The following THAP10 variants were observed in gnomAD, a reference collection of about 807,000 sequenced individuals.
THAP10 encodes THAP domain-containing protein 10.
THAP10 carries 10 observed loss-of-function variants against 15.7 expected under a neutral mutation model. The ratio of observed to expected loss-of-function variants is 0.64; its 90% CI spans 0.39 to 1.08. THAP10 has a LOEUF of 1.08. Among genes scored for constraint, THAP10 ranks in the 50% least tolerant of loss-of-function variants. The pLI, the probability that THAP10 is intolerant of heterozygous loss-of-function variation, is 0.01. For synonymous variants in THAP10, 127 were observed against 129.1 expected (o/e 0.98, Z 0.11); for missense variants, 310 against 330.9 (o/e 0.94, Z 0.49).
Position 70,882,278 on chromosome 15 carries a change from G to A in THAP10, c.*176C>T. On this transcript the variant is annotated 3_prime_UTR_variant, in exon 3 of 3. Coordinates refer to ENST00000249861, the MANE Select transcript of THAP10 (RefSeq NM_020147.4). ...AGAGAATAGGGATGTTTGTGGGTAG[G>A]TATTATCTTCATTGTGTTGGCAAGC... 1.8e-6 allele frequency: 1 copy of A among 563,094 alleles called. No individual in the cohort carries two copies. Among genetic ancestry groups the A allele is most frequent in the South Asian group, 2.7e-5 (1 of 36,752 alleles). The allele number at this position is 563,094 out of a possible 1,614,324, so 34.9% of individuals were successfully genotyped here.
chr15:70,883,029 G>A, intron 1 of THAP10, 121 bp from the exon 2 acceptor site: 1 of 922,628 alleles, frequency 1.1e-6, no homozygotes, highest in Non-Finnish European at 1.6e-6. Flanking sequence ...TAGTAAGGCT[G>A]ATATTTGAAC....
intron 1 of THAP10, among the ~76,000 whole-genome samples, chr15:70,887,926 A>G (rs1334751062): frequency 6.6e-6 from 1 of 152,212 alleles, no homozygotes; most frequent in Non-Finnish European, 1.5e-5. Flanking sequence ...TATAGATTAT[A>G]AAATTTAAAA....
rs2033264148 is a variant in THAP10 at position 70,881,551 on chromosome 15, G to C, written c.*903C>G. ...GATCAGAGTTATAGTATGCTTCTCA[G>C]AAACTATTGTAACAGTTTACTTCAT... is the stretch of plus-strand genomic sequence containing the variant. On this transcript the variant is annotated 3_prime_UTR_variant, in exon 3 of 3. Coordinates refer to ENST00000249861, the MANE Select transcript of THAP10 (RefSeq NM_020147.4). 1 of 152,112 alleles carries C rather than the reference G, an allele frequency of 6.6e-6. No individual in the cohort carries two copies. Among genetic ancestry groups the C allele is most frequent in the African/African-American group, 2.4e-5 (1 of 41,406 alleles). The allele number at this position is 152,112 out of a possible 1,614,324, so 9.4% of individuals were successfully genotyped here.
chr15:70,887,674 T>C (rs2033446583), intron 1 of THAP10, among the ~76,000 whole-genome samples: 1 of 152,172 alleles, frequency 6.6e-6, no homozygotes, highest in Admixed American at 6.5e-5. Context: ...GCTTTCCCTC[T>C]GAAATTAGGA....
At position 70,882,857 on chromosome 15, in the gene THAP10, A is replaced by T. The variant is rs1003597602; in HGVS notation, c.481T>A (p.Ser161Thr). 1.9e-6 allele frequency: 3 copies of T among 1,613,992 alleles called. No individual in the cohort carries two copies. Among genetic ancestry groups the T allele is most frequent in the Non-Finnish European group, 1.7e-6 (2 of 1,180,002 alleles). ...VQTQPHADNP[S>T]NTVTSVPTHC... ...GTAGGTACTGAAGTGACAGTATTAG[A>T]TGGATTATCAGCATGGGGTTGGGTT... is the stretch of plus-strand genomic sequence containing the variant. The change falls in exon 2 of 3, where the codon TCT (serine) becomes ACT (threonine). Residue 161 changes from serine to threonine, a missense_variant. Physicochemically the swap from Ser to Thr is moderately conservative, Grantham distance 58. Transcript: ENST00000249861.
intron 1 of THAP10, 139 bp from the exon 2 acceptor site, chr15:70,883,047 A>T: frequency 1.3e-6 from 1 of 752,936 alleles, no homozygotes; most frequent in Non-Finnish European, 2.1e-6. Flanking sequence ...AACCTAGGCA[A>T]GGTGAATCTA....
Position 70,892,424 on chromosome 15 carries a change from G to A in THAP10, c.-152C>T, listed in dbSNP as rs1223975295. 11 of 1,537,524 alleles carry A rather than the reference G, an allele frequency of 7.2e-6. No individual in the cohort carries two copies. The highest frequency in any genetic ancestry group is 1.4e-5 in the African/African-American group (1 of 73,010). On this transcript the variant is annotated 5_prime_UTR_variant, in exon 1 of 3. Coordinates refer to ENST00000249861, the MANE Select transcript of THAP10 (RefSeq NM_020147.4). ...CCTTCCCTACCTCTGGTCACCGGAAGTGGCGATCTGGGGCCCCCAATGGGA... is the reference window on the plus strand; with the variant it reads ...CCTTCCCTACCTCTGGTCACCGGAAATGGCGATCTGGGGCCCCCAATGGGA...
chr15:70,889,593 T>A (rs2033501270), intron 1 of THAP10, among the ~76,000 whole-genome samples: 3 of 152,208 alleles, frequency 2.0e-5, no homozygotes, highest in Admixed American at 2.0e-4. Flanking sequence ...TTGGGTTTTT[T>A]AAAAAAGAAT....
At chr15:70,882,944 T>G (rs1409264500) in intron 1 of THAP10, 36 bp from the exon 2 acceptor site, 1 of 1,610,432 alleles carries the variant, frequency 6.2e-7, no homozygotes, top group African/African-American at 1.3e-5. Flanking sequence ...CATATTAAAG[T>G]GTACCTTATA....
chr15:70,890,678 G>A (rs2033531489), intron 1 of THAP10, among the ~76,000 whole-genome samples: 1 of 152,172 alleles, frequency 6.6e-6, no homozygotes, highest in Non-Finnish European at 1.5e-5. Flanking sequence ...GGGATCAAGG[G>A]GAAAGATGTT....
chr15:70,889,196 TAGAC>T (rs948492749), intron 1 of THAP10, among the ~76,000 whole-genome samples: 5 of 152,112 alleles, frequency 3.3e-5, no homozygotes, highest in Non-Finnish European at 7.4e-5. Context: ...TGTTCAACAA[TAGAC>T]AGACAAATTT....
chr15:70,892,269 G>T lies in THAP10; in HGVS notation c.4C>A (p.Pro2Thr). Reference protein sequence around the residue: MPARCVAAHCGN... With the variant: MTARCVAAHCGN... ...CAGTGGGCGGCCACACAACGGGCCG[G>T]CATGGCGGCCGTCTTCGGTGCGCGG... Residue 2 changes from proline (P) to threonine (T), a missense_variant, in exon 1 of 3, where the codon CCG becomes ACG. Physicochemically the swap from Pro to Thr is conservative, Grantham distance 38. Coordinates refer to ENST00000249861, the MANE Select transcript of THAP10 (RefSeq NM_020147.4). 1 of 1,565,506 alleles carries T rather than the reference G, an allele frequency of 6.4e-7. No individual in the cohort carries two copies. The highest frequency in any genetic ancestry group is 2.4e-5 in the East Asian group (1 of 42,062).
chr15:70,890,524 C>T (rs1181438318), intron 1 of THAP10, among the ~76,000 whole-genome samples: 4 of 152,198 alleles, frequency 2.6e-5, no homozygotes, highest in African/African-American at 9.7e-5. Context: ...ATGATCCTAG[C>T]TCTCATGGAG....
At position 70,881,428 on chromosome 15, in the gene THAP10, T is replaced by C. The variant is rs2033261602; in HGVS notation, c.*1026A>G. On this transcript the variant is annotated 3_prime_UTR_variant, in exon 3 of 3. Coordinates refer to ENST00000249861, the MANE Select transcript of THAP10 (RefSeq NM_020147.4). ...TAACTTTGATGTATTATTTAAACCTTCTAGGATAAAAATACATGCAAGTTC... is the reference window on the plus strand; with the variant it reads ...TAACTTTGATGTATTATTTAAACCTCCTAGGATAAAAATACATGCAAGTTC... 6.6e-6 allele frequency: 1 copy of C among 152,236 alleles called. No homozygotes were observed. Among genetic ancestry groups the C allele is most frequent in the Non-Finnish European group, 1.5e-5 (1 of 68,034 alleles). 9.4% of individuals were successfully genotyped at this position (152,236 alleles called of 1,614,324 possible).
At position 70,885,164 on chromosome 15, in the gene THAP10, G is replaced by A. The variant is rs139668009; in HGVS notation, c.430-2256C>T. ...GCTTAGAGGCAGAATTTCCAGGCAC[G>A]TATTAATCCACTAGAACATGAGTCA... On this transcript the variant is annotated intron_variant, in intron 1 of 2. Coordinates refer to ENST00000249861, the MANE Select transcript of THAP10 (RefSeq NM_020147.4). Among the ~76,000 whole-genome samples the A allele has an allele frequency of 2.4e-4, 36 of 152,218 alleles. 1 individual carries two copies. The East Asian group carries it at 6.6e-3, about 28-fold the overall frequency.
At position 70,892,072 on chromosome 15, in the gene THAP10, C is replaced by G; in HGVS notation, c.201G>C (p.Ser67=). ...AGAAGCGCAGGTTCTTCTGGATAACCGAAGAGACGTCAAAACAGGCTGGGG... is the reference window on the plus strand; with the variant it reads ...AGAAGCGCAGGTTCTTCTGGATAACGGAAGAGACGTCAAAACAGGCTGGGG... The part of the protein sequence containing the change: ...HFAPACFDVS[S]VIQKNLRFSQ... Residue 67 remains serine (S), a synonymous_variant, in exon 1 of 3, where the codon TCG becomes TCC. Transcript: ENST00000249861. 1 of 1,613,840 alleles carries G rather than the reference C, an allele frequency of 6.2e-7. No homozygotes were observed. Among genetic ancestry groups the G allele is most frequent in the South Asian group, 1.1e-5 (1 of 91,022 alleles).
At chr15:70,883,153 A>T (rs1248044688) in intron 1 of THAP10, among the ~76,000 whole-genome samples, 1 of 152,062 alleles carries the variant, frequency 6.6e-6, no homozygotes, top group African/African-American at 2.4e-5. Context: ...TTTGCTTACA[A>T]CTAATTTTTT....
chr15:70,890,317 T>C lies in THAP10; in HGVS notation c.429+1527A>G, dbSNP rs149615873. Among the ~76,000 whole-genome samples the C allele has an allele frequency of 8.5e-5, 13 of 152,292 alleles. No individual in the cohort carries two copies. The East Asian group carries it at 2.5e-3, about 29-fold the overall frequency. On this transcript the variant is annotated intron_variant, in intron 1 of 2. Coordinates refer to ENST00000249861, the MANE Select transcript of THAP10 (RefSeq NM_020147.4). Reference sequence around the variant, plus strand: ...TGTATAGGTGGTGATGGTGGACAGATGGTTCAAGGAAAGGACAGCTATCTT... The same window carrying C: ...TGTATAGGTGGTGATGGTGGACAGACGGTTCAAGGAAAGGACAGCTATCTT...
At chr15:70,885,267 G>A (rs758305781) in intron 1 of THAP10, among the ~76,000 whole-genome samples, 17 of 151,978 alleles carry the variant, frequency 1.1e-4, no homozygotes, top group Non-Finnish European at 1.8e-4. Flanking sequence ...CAGACATAGG[G>A]GATAAGATTT....
Sources: allele counts gnomAD v4.1 joint callset (sites outside exome capture counted in the v4.1 genomes callset), GRCh38; gene constraint gnomAD v4.1.1; transcripts MANE v1.5; gene names NCBI Gene and HGNC (gene_info 2026-07-23, HGNC 2026-07-21).